Variants in TMTC2 observed in about 807,000 individuals in gnomAD.
TMTC2 encodes the protein protein O-mannosyl-transferase TMTC2.
Under a neutral mutation model 82.4 loss-of-function variants are expected in TMTC2, and 43 were observed. The ratio of observed to expected loss-of-function variants is 0.52; its 90% CI spans 0.41 to 0.67. The LOEUF (loss-of-function observed/expected upper bound fraction) is 0.67. Among genes scored for constraint, TMTC2 ranks in the 30% least tolerant of loss-of-function variants. The pLI is 0.00. For synonymous variants in TMTC2, 408 were observed against 381.9 expected, an observed-to-expected ratio of 1.07 and a Z score of -0.80; for missense variants, 919 against 1,012.4, an observed-to-expected ratio of 0.91 and a Z score of 1.25.
intron 8 of TMTC2, among the ~76,000 whole-genome samples, chr12:83,000,423 CG>C (rs1565846620): frequency 6.6e-6 from 1 of 152,164 alleles, no homozygotes; most frequent in African/African-American, 2.4e-5. Context: ...CATGAGCCAC[CG>C]CACCTTGCCA....
chr12:82,915,877 A>G (rs897424598), intron 3 of TMTC2, among the ~76,000 whole-genome samples: 2 of 152,216 alleles, frequency 1.3e-5, no homozygotes, highest in Admixed American at 6.5e-5. Context: ...TGGTATTTTA[A>G]TGGAAGACAA....
At chr12:83,129,137 C>T (rs2137571922) in intron 11 of TMTC2, among the ~76,000 whole-genome samples, 1 of 152,098 alleles carries the variant, frequency 6.6e-6, no homozygotes, top group South Asian at 2.1e-4. Context: ...ACTAAAATAG[C>T]CATTTATATT....
At chr12:82,819,752 C>T (rs1237437631) in intron 1 of TMTC2, among the ~76,000 whole-genome samples, 3 of 152,064 alleles carry the variant, frequency 2.0e-5, no homozygotes, top group East Asian at 1.9e-4. Context: ...ATTCACCTGC[C>T]TCGGCTTCCC....
intron 8 of TMTC2, among the ~76,000 whole-genome samples, chr12:82,995,472 G>C (rs569191184): frequency 6.6e-6 from 1 of 152,088 alleles, no homozygotes; most frequent in East Asian, 1.9e-4. Flanking sequence ...AGGTTTTTGT[G>C]ATTTCCCCTT....
At chr12:82,865,380 G>A (rs1391237597) in intron 2 of TMTC2, among the ~76,000 whole-genome samples, 3 of 152,080 alleles carry the variant, frequency 2.0e-5, no homozygotes, top group East Asian at 3.9e-4. Flanking sequence ...GATAAAACAG[G>A]CTTTAAACCA....
chr12:82,973,624 A>G (rs1878541357), intron 7 of TMTC2, among the ~76,000 whole-genome samples: 1 of 152,200 alleles, frequency 6.6e-6, no homozygotes, highest in African/African-American at 2.4e-5. Flanking sequence ...TACATTATGT[A>G]CTATGGTTAC....
At chr12:83,067,678 A>G (rs1379521327) in intron 11 of TMTC2, among the ~76,000 whole-genome samples, 1 of 152,074 alleles carries the variant, frequency 6.6e-6, no homozygotes, top group African/African-American at 2.4e-5. Context: ...GCATGTTCTG[A>G]GGAGCACAGT....
chr12:82,788,326 A>G (rs113243011), intron 1 of TMTC2, among the ~76,000 whole-genome samples: 11 of 152,264 alleles, frequency 7.2e-5, no homozygotes, highest in African/African-American at 2.4e-4. Context: ...TACAAATTCA[A>G]TGGAAATATT....
At chr12:82,973,760 C>T (rs184742023) in intron 7 of TMTC2, among the ~76,000 whole-genome samples, 76 of 152,160 alleles carry the variant, frequency 5.0e-4, no homozygotes, top group Admixed American at 8.5e-4. Flanking sequence ...ATATATAGCC[C>T]CTACGGGGAG....
chr12:82,966,848 T>C, intron 6 of TMTC2, 71 bp from the exon 7 acceptor site: 1 of 1,124,530 alleles, frequency 8.9e-7, no homozygotes, highest in East Asian at 2.5e-5. Flanking sequence ...AAGAAAGTTA[T>C]TATCTTATTT....
intron 4 of TMTC2, among the ~76,000 whole-genome samples, chr12:82,933,863 A>G (rs1876173478): frequency 6.6e-6 from 1 of 152,324 alleles, no homozygotes; most frequent in South Asian, 2.1e-4. Context: ...ATGTAGATTT[A>G]TATCTGAAAT....
At chr12:82,886,593 A>G (rs1873112465) in intron 2 of TMTC2, among the ~76,000 whole-genome samples, 1 of 152,198 alleles carries the variant, frequency 6.6e-6, no homozygotes. Context: ...TTTTCCTCAC[A>G]AAGTCTGGAT....
chr12:83,092,317 C>G lies in TMTC2; in HGVS notation c.2331+30486C>G, dbSNP rs570434384. Among the ~76,000 whole-genome samples the G allele has an allele frequency of 7.2e-5, 11 of 152,298 alleles. No homozygotes were observed. The South Asian group carries it at 1.9e-3, about 26-fold the overall frequency. On this transcript the variant is annotated intron_variant, in intron 11 of 11. Transcript: ENST00000321196. ...TCCTACCATGTTGGCATCCTGCCCCCCTTAGAGCATTGGCCTCTTCTGCAT... is the reference window on the plus strand; with the variant it reads ...TCCTACCATGTTGGCATCCTGCCCCGCTTAGAGCATTGGCCTCTTCTGCAT...
chr12:83,057,660 G>A (rs1006283352), intron 10 of TMTC2, among the ~76,000 whole-genome samples: 3 of 151,824 alleles, frequency 2.0e-5, no homozygotes, highest in East Asian at 1.9e-4. Flanking sequence ...CAAGAATCCA[G>A]GAGAACCCAG....
intron 4 of TMTC2, among the ~76,000 whole-genome samples, chr12:82,950,211 T>G (rs1298164241): frequency 6.6e-6 from 1 of 152,176 alleles, no homozygotes; most frequent in Non-Finnish European, 1.5e-5. Context: ...CCCCTTCATT[T>G]TTAGACTCTA....
At chr12:82,944,765 A>T (rs1565821636) in intron 4 of TMTC2, among the ~76,000 whole-genome samples, 1 of 152,142 alleles carries the variant, frequency 6.6e-6, no homozygotes, top group Non-Finnish European at 1.5e-5. Flanking sequence ...TGGGAAAAAA[A>T]GATAGTGACA....
intron 1 of TMTC2, chr12:82,761,014 C>A: frequency 6.4e-6 from 1 of 156,250 alleles, no homozygotes; most frequent in Non-Finnish European, 1.4e-5. Flanking sequence ...GCACTTGAAT[C>A]ATCCTGAAAC....
chr12:83,005,459 A>G (rs1184589734), intron 8 of TMTC2, among the ~76,000 whole-genome samples: 2 of 151,936 alleles, frequency 1.3e-5, no homozygotes, highest in Admixed American at 1.3e-4. Flanking sequence ...TGACCCCCTT[A>G]TCATATACGT....
At chr12:82,736,003 A>AC (rs1388769942) in intron 1 of TMTC2, among the ~76,000 whole-genome samples, 2 of 144,516 alleles carry the variant, frequency 1.4e-5, no homozygotes, top group Non-Finnish European at 3.1e-5. Flanking sequence ...ACACACACAC[A>AC]ATTATCTTGA....
Sources: allele counts gnomAD v4.1 joint callset (sites outside exome capture counted in the v4.1 genomes callset), GRCh38; gene constraint gnomAD v4.1.1; transcripts MANE v1.5; gene names NCBI Gene and HGNC (gene_info 2026-07-23, HGNC 2026-07-21).